CEACAM18: variants seen among roughly 807,000 people sequenced by gnomAD.
CEACAM18 encodes the protein cell adhesion molecule CEACAM18.
In CEACAM18, 33 loss-of-function variants were observed where a neutral mutation model predicts 34.3. That is an observed-to-expected ratio of 0.96 (90% CI 0.73 to 1.29). The LOEUF (loss-of-function observed/expected upper bound fraction) is 1.29. CEACAM18 is among the 50% of genes most tolerant of loss of function. The probability of loss-of-function intolerance (pLI) is 0.00; values close to 1 mark genes in which losing one functional copy is unlikely to be tolerated. For synonymous variants in CEACAM18, 169 were observed against 180.9 expected (o/e 0.93, Z 0.53); for missense variants, 474 against 485.0 (o/e 0.98, Z 0.21).
intron 3 of CEACAM18, among the ~76,000 whole-genome samples, chr19:51,482,443 G>A (rs935299763): frequency 6.6e-6 from 1 of 152,138 alleles, no homozygotes; most frequent in Non-Finnish European, 1.5e-5. Context: ...CGCAGGCTAC[G>A]GCACCCATCC....
chr19:51,478,613 C>A (rs757571916), upstream of CEACAM18: 5 of 1,571,080 alleles, frequency 3.2e-6, no homozygotes, highest in Non-Finnish European at 4.3e-6. Flanking sequence ...TCTGGAGGGA[C>A]CCCTCCTCCT....
intron 3 of CEACAM18, 96 bp downstream of exon 3, chr19:51,481,761 G>A: frequency 1.6e-6 from 2 of 1,285,360 alleles, no homozygotes; most frequent in Admixed American, 2.6e-5. Flanking sequence ...GGAGAGAGGG[G>A]GCATCCTGGG....
chr19:51,480,248 G>C, intron 1 of CEACAM18, 85 bp from the exon 2 acceptor site: 1 of 1,136,454 alleles, frequency 8.8e-7, no homozygotes, highest in Admixed American at 2.6e-5. Context: ...AATCGTTCCC[G>C]GATGGTGTCT....
At chr19:51,478,673 T>C in exon 1 of CEACAM18, 3 of 1,479,948 alleles carry the variant, frequency 2.0e-6, no homozygotes, top group Non-Finnish European at 2.7e-6. Context: ...ATGGAGCCTG[T>C]GGAGGAGGGT....
intron 1 of CEACAM18, 98 bp downstream of exon 1, chr19:51,478,792 G>A (rs1016900165): frequency 1.2e-6 from 1 of 860,610 alleles, no homozygotes; most frequent in Non-Finnish European, 1.6e-6. Context: ...CCCCATCCAC[G>A]GGCACATCAA....
intron 5 of CEACAM18, among the ~76,000 whole-genome samples, chr19:51,487,965 C>T (rs772884475): frequency 1.3e-5 from 2 of 152,262 alleles, no homozygotes; most frequent in East Asian, 3.9e-4. Context: ...TAGACCATTT[C>T]GTCATTGCCA....
At chr19:51,491,193 C>T (rs571575979), downstream of CEACAM18, among the ~76,000 whole-genome samples, 31 of 148,248 alleles carry the variant, frequency 2.1e-4, no homozygotes, top group African/African-American at 7.5e-4. Flanking sequence ...TTAGCACATC[C>T]GTCAGCTCAA....
At chr19:51,488,744 G>A (rs1410290640) in intron 5 of CEACAM18, among the ~76,000 whole-genome samples, 1 of 152,178 alleles carries the variant, frequency 6.6e-6, no homozygotes, top group Non-Finnish European at 1.5e-5. Context: ...AGTTTGGAGT[G>A]GGGCAGGGAA....
At chr19:51,481,756 G>A (rs1989920390) in intron 3 of CEACAM18, 91 bp downstream of exon 3, 1 of 1,366,254 alleles carries the variant, frequency 7.3e-7, no homozygotes, top group African/African-American at 1.4e-5. Flanking sequence ...GAGCTGGAGA[G>A]AGGGGGCATC....
chr19:51,480,546 C>T, exon 2 of CEACAM18: 1 of 1,614,018 alleles, frequency 6.2e-7, no homozygotes, highest in South Asian at 1.1e-5. Flanking sequence ...CCCATGTACA[C>T]TGGCAGGGAG....
chr19:51,479,301 G>A (rs1004797853), intron 1 of CEACAM18, among the ~76,000 whole-genome samples: 4 of 152,204 alleles, frequency 2.6e-5, no homozygotes, highest in African/African-American at 9.7e-5. Flanking sequence ...ACAGGGCAGT[G>A]GACAACTGCC....
At chr19:51,485,026 G>A (rs10414941) in exon 5 of CEACAM18, 340,616 of 1,535,334 alleles carry the variant, frequency 0.22, 39,028 homozygotes, top group Middle Eastern at 0.3. Context: ...TCCATCTCAG[G>A]ATCCATGGTG....
intron 3 of CEACAM18, among the ~76,000 whole-genome samples, chr19:51,481,906 G>C (rs1989923406): frequency 6.6e-6 from 1 of 152,204 alleles, no homozygotes; most frequent in Non-Finnish European, 1.5e-5. Flanking sequence ...CCACTTCTCA[G>C]ATTAGAAATG....
intron 1 of CEACAM18, among the ~76,000 whole-genome samples, chr19:51,479,494 G>A (rs1476057072): frequency 2.0e-5 from 3 of 152,230 alleles, no homozygotes; most frequent in Admixed American, 2.0e-4. Context: ...GACTGAGACA[G>A]GGCAGTCCTG....
intron 5 of CEACAM18, among the ~76,000 whole-genome samples, chr19:51,488,747 G>T (rs1470512519): frequency 6.6e-6 from 1 of 152,158 alleles, no homozygotes; most frequent in Admixed American, 6.5e-5. Context: ...TTGGAGTGGG[G>T]CAGGGAACTC....
chr19:51,479,620 G>A (rs1214750124), intron 1 of CEACAM18, among the ~76,000 whole-genome samples: 3 of 152,144 alleles, frequency 2.0e-5, no homozygotes, highest in East Asian at 3.9e-4. Context: ...GAGCCCAGAG[G>A]GGACACCTGA....
At chr19:51,480,433 G>A in exon 2 of CEACAM18, 5 of 1,613,526 alleles carry the variant, frequency 3.1e-6, no homozygotes, top group East Asian at 4.5e-5. Flanking sequence ...CCCTGGATAA[G>A]GTCCCTGAGG....
chr19:51,479,012 T>G (rs1989862522), intron 1 of CEACAM18, among the ~76,000 whole-genome samples: 1 of 151,710 alleles, frequency 6.6e-6, no homozygotes, highest in African/African-American at 2.4e-5. Context: ...TGTTTCTATC[T>G]ACGCCCAGGA....
intron 2 of CEACAM18, among the ~76,000 whole-genome samples, chr19:51,480,912 G>A (rs536659320): frequency 6.6e-6 from 1 of 152,170 alleles, no homozygotes; most frequent in Non-Finnish European, 1.5e-5. Flanking sequence ...CATACTGCAG[G>A]ACCCTGGCCC....
Sources: allele counts gnomAD v4.1 joint callset (sites outside exome capture counted in the v4.1 genomes callset), GRCh38; gene constraint gnomAD v4.1.1; transcripts MANE v1.5; gene names NCBI Gene and HGNC (gene_info 2026-07-23, HGNC 2026-07-21).